Variants in RASGRP4 observed in about 807,000 individuals in gnomAD.
The protein encoded by RASGRP4 is RAS guanyl releasing protein 4, also known as RAS guanyl-releasing protein 4.
Under a neutral mutation model 84.4 loss-of-function variants are expected in RASGRP4, and 52 were observed. The observed-to-expected ratio is 0.62, with a 90% CI of 0.49 to 0.78. The LOEUF (loss-of-function observed/expected upper bound fraction) is 0.78, where lower values mean the gene tolerates loss of function less well. RASGRP4 is among the 30% of genes least tolerant of loss of function. The pLI is 0.00. For synonymous variants in RASGRP4, 356 were observed against 359.1 expected, an observed-to-expected ratio of 0.99 and a Z score of 0.10; for missense variants, 760 against 886.9, an observed-to-expected ratio of 0.86 and a Z score of 1.82.
Position 38,412,083 on chromosome 19 carries a change from TTTGTTGTTG to T in RASGRP4, c.1680+580_1680+588del, listed in dbSNP as rs56791891. ...CTACCCGGTTTGGAGATTATCCAGG[TTTGTTGTTG>T]TTGTTGTTGTTGTTGTTGTTGTTGT... On this transcript the variant is annotated intron_variant, in intron 13 of 16. Coordinates refer to ENST00000615439, the MANE Select transcript of RASGRP4 (RefSeq NM_170604.3). This position sits in a 1 kb window ranked among gnomAD's most constrained non-coding sequence, Gnocchi z 4.6. Among the ~76,000 whole-genome samples the T allele has an allele frequency of 0.04, 5,210 of 128,716 alleles. 131 individuals carry two copies. The highest frequency in any genetic ancestry group is 0.098 in the East Asian group (432 of 4,408). 84.4% of individuals were successfully genotyped at this position (128,716 alleles called of 152,430 possible).
In RASGRP4 at chr19:38,409,201, C is replaced by G. The variant is rs114144035; in HGVS notation, c.*839G>C. 6.8e-3 allele frequency: 1,631 copies of G among 238,392 alleles called. 35 individuals carry two copies. The highest frequency in any genetic ancestry group is 0.035 in the African/African-American group (1,516 of 43,398). The allele number at this position is 238,392 out of a possible 1,614,324, so 14.8% of individuals were successfully genotyped here. A position where few individuals can be genotyped will look rare whatever the true frequency, so the allele number is the denominator to read the frequency against. On this transcript the variant is annotated 3_prime_UTR_variant, in exon 17 of 17. Transcript: ENST00000615439. The stretch of plus-strand genomic sequence containing the variant: ...CCCCTGCTGCTCGACCCTCAAAGTT[C>G]TTTGCCCTATAGCACATCTATCCTG...
Position 38,420,896 on chromosome 19 carries a change from G to C in RASGRP4, c.377+12C>G. 6.2e-7 allele frequency: 1 copy of C among 1,612,610 alleles called. No individual in the cohort carries two copies. ...GTGGGTCCTGAGAGTGGGGATCTCG[G>C]CCCAGCCCTACCTGACCAGGTGACA... On this transcript the variant is annotated intron_variant, in intron 4 of 16. Coordinates refer to ENST00000615439, the MANE Select transcript of RASGRP4 (RefSeq NM_170604.3).
intron 9 of RASGRP4, among the ~76,000 whole-genome samples, chr19:38,414,272 TC>T (rs1348314080): frequency 6.6e-6 from 1 of 151,768 alleles, no homozygotes; most frequent in African/African-American, 2.4e-5. Flanking sequence ...TGGCTGTCTC[TC>T]CTCAACCACC....
chr19:38,416,588 C>T (rs991521469), intron 8 of RASGRP4, among the ~76,000 whole-genome samples: 2 of 151,448 alleles, frequency 1.3e-5, no homozygotes, highest in African/African-American at 4.8e-5. Flanking sequence ...GCTGGGATTA[C>T]AAGTGTGAGC....
chr19:38,423,836 C>T (rs1227620030), intron 1 of RASGRP4, among the ~76,000 whole-genome samples: 1 of 151,772 alleles, frequency 6.6e-6, no homozygotes, highest in African/African-American at 2.4e-5. Context: ...GTCTTAGTCT[C>T]AAAATAATAA....
intron 1 of RASGRP4, among the ~76,000 whole-genome samples, chr19:38,425,684 G>C (rs1403547344): frequency 1.3e-5 from 2 of 152,142 alleles, no homozygotes; most frequent in Non-Finnish European, 2.9e-5. Context: ...AGGCAGGGGA[G>C]TCGCCTTGCC....
Position 38,417,119 on chromosome 19 carries a change from C to A in RASGRP4, c.887G>T (p.Gly296Val). The A allele has an allele frequency of 6.4e-7, 1 of 1,564,542 alleles. No individual in the cohort carries two copies. Among genetic ancestry groups the A allele is most frequent in the Non-Finnish European group, 8.7e-7 (1 of 1,154,322 alleles). The stretch of plus-strand genomic sequence containing the variant: ...TCTGGAGATGGCACTGTGACACAGG[C>A]CCCCTGTGACTGCCATCAGCGTGTT... ...NFNTLMAVTG[G>V]LCHSAISRLK... The change falls in exon 8 of 17, where the codon GGC becomes GTC. Residue 296 changes from glycine (G) to valine (V), a missense_variant. Coordinates refer to ENST00000615439, the MANE Select transcript of RASGRP4 (RefSeq NM_170604.3). This position sits in a 1 kb window ranked among gnomAD's most constrained non-coding sequence, Gnocchi z 5.1.
At position 38,413,204 on chromosome 19, in the gene RASGRP4, G is replaced by A; in HGVS notation, c.1405C>T (p.Gln469Ter). 10 of 1,613,284 alleles carry A rather than the reference G, an allele frequency of 6.2e-6. No individual in the cohort carries two copies. The highest frequency in any genetic ancestry group is 8.5e-6 in the Non-Finnish European group (10 of 1,179,688). Residue 469 changes from glutamine (Q) to a stop codon, truncating the protein, a stop_gained, in exon 11 of 17, where the codon CAG becomes TAG. Transcript: ENST00000615439. LOFTEE classifies it high-confidence loss of function. The surrounding 1 kb of genome is among the most constrained non-coding windows in gnomAD (Gnocchi z 4.7). ...DRVTLGRHVEQLVESVFKNYD... is the reference protein window; with the variant it reads ...DRVTLGRHVE The stretch of plus-strand genomic sequence containing the variant: ...CCTCCCCTCCTTACCTCCACCAGCT[G>A]CTCCACATGCCGACCCAGTGTGACC...
chr19:38,426,026 G>A lies in RASGRP4; in HGVS notation c.23+43C>T, dbSNP rs574139938. 3.0e-6 allele frequency: 4 copies of A among 1,351,834 alleles called. No individual in the cohort carries two copies. In the South Asian group the frequency reaches 8.1e-5, roughly 27 times the overall value. The allele number at this position is 1,351,834 out of a possible 1,614,324, so 83.7% of individuals were successfully genotyped here. A position where few individuals can be genotyped will look rare whatever the true frequency, so the allele number is the denominator to read the frequency against. ...TCCCCAGCCCTCCCATGCAGAGGGA[G>A]GCCTCAGGGTGCTGCCGGGCTCCCT... On this transcript the variant is annotated intron_variant, in intron 1 of 16. Coordinates refer to ENST00000615439, the MANE Select transcript of RASGRP4 (RefSeq NM_170604.3).
At chr19:38,421,261 TC>T in intron 2 of RASGRP4, 61 bp from the exon 3 acceptor site, 1 of 1,242,178 alleles carries the variant, frequency 8.1e-7, no homozygotes, top group Non-Finnish European at 1.2e-6. Flanking sequence ...AGAGCGTAGC[TC>T]CAGATCCTGC....
At chr19:38,411,952 T>G (rs1318867492) in intron 13 of RASGRP4, among the ~76,000 whole-genome samples, 1 of 152,206 alleles carries the variant, frequency 6.6e-6, no homozygotes, top group South Asian at 2.1e-4. Context: ...GGTTGAGAGA[T>G]TGATCCACTA....
intron 1 of RASGRP4, among the ~76,000 whole-genome samples, chr19:38,423,946 G>A (rs865922364): frequency 6.6e-6 from 1 of 152,128 alleles, no homozygotes; most frequent in East Asian, 1.9e-4. Flanking sequence ...GGAGAGACAA[G>A]GATGGTGGGA....
chr19:38,414,384 TGGC>T (rs1971406394), intron 9 of RASGRP4, among the ~76,000 whole-genome samples: 1 of 151,648 alleles, frequency 6.6e-6, no homozygotes, highest in African/African-American at 2.4e-5. Context: ...AATGGCGCAA[TGGC>T]GCAATCTCAG....
At position 38,414,993 on chromosome 19, in the gene RASGRP4, T is replaced by G; in HGVS notation, c.1085A>C (p.His362Pro). The stretch of plus-strand genomic sequence containing the variant: ...AGGCAACCTGTCGGGCTGTGCCTCA[T>G]GCAGGGACACCAGGTCCTTGAGGTG... Reference protein sequence around the residue: ...GVHLKDLVSLHEAQPDRLPDG... With the variant: ...GVHLKDLVSLPEAQPDRLPDG... Residue 362 changes from histidine to proline, a missense_variant, in exon 9 of 17, where the codon CAT becomes CCT. By Grantham distance (77) the His-to-Pro change is moderately conservative. Coordinates refer to ENST00000615439, the MANE Select transcript of RASGRP4 (RefSeq NM_170604.3). 1 of 1,613,250 alleles carries G rather than the reference T, an allele frequency of 6.2e-7. No individual in the cohort carries two copies. The highest frequency in any genetic ancestry group is 1.1e-5 in the South Asian group (1 of 90,920).
At chr19:38,421,447 C>T (rs532006768) in intron 2 of RASGRP4, among the ~76,000 whole-genome samples, 1 of 152,316 alleles carries the variant, frequency 6.6e-6, no homozygotes, top group South Asian at 2.1e-4. Flanking sequence ...CACAGTGGCT[C>T]ACACCTGTAA....
intron 2 of RASGRP4, among the ~76,000 whole-genome samples, chr19:38,421,434 G>A (rs1041333118): frequency 5.3e-5 from 8 of 152,144 alleles, no homozygotes; most frequent in South Asian, 2.1e-4. Context: ...CAGACTGGCC[G>A]GGCACAGTGG....
Position 38,409,115 on chromosome 19 carries a change from T to G in RASGRP4, c.*925A>C. 1 of 351,148 alleles carries G rather than the reference T, an allele frequency of 2.8e-6. No individual in the cohort carries two copies. 21.8% of individuals were successfully genotyped at this position (351,148 alleles called of 1,614,324 possible). A position where few individuals can be genotyped will look rare whatever the true frequency, so the allele number is the denominator to read the frequency against. On this transcript the variant is annotated 3_prime_UTR_variant, in exon 17 of 17. Transcript: ENST00000615439. ...AGGACCTCTCTCTGTGGGGGCCAAG[T>G]CAGGGGTGTTGGGGTTTGTGAAGGG...
rs763364452 is a variant in RASGRP4, at chr19:38,409,098, T to C, written c.*942A>G. The C allele has an allele frequency of 9.6e-5, 37 of 386,632 alleles. No homozygotes were observed. The highest frequency in any genetic ancestry group is 1.4e-4 in the Non-Finnish European group (32 of 227,464). 24.0% of individuals were successfully genotyped at this position (386,632 alleles called of 1,614,324 possible). ...TAATTTATGACAGCTGTAGGACCTCTCTCTGTGGGGGCCAAGTCAGGGGTG... is the reference window on the plus strand; with the variant it reads ...TAATTTATGACAGCTGTAGGACCTCCCTCTGTGGGGGCCAAGTCAGGGGTG... On this transcript the variant is annotated 3_prime_UTR_variant, in exon 17 of 17. Transcript: ENST00000615439.
intron 1 of RASGRP4, among the ~76,000 whole-genome samples, chr19:38,424,615 A>AT (rs1212514022): frequency 9.1e-6 from 1 of 110,002 alleles, no homozygotes. Flanking sequence ...GTGTGTGTCA[A>AT]TGGGGGGGGG....
Sources: allele counts gnomAD v4.1 joint callset (sites outside exome capture counted in the v4.1 genomes callset), GRCh38; gene constraint gnomAD v4.1.1; non-coding constraint Gnocchi (gnomAD v3.1); transcripts MANE v1.5; gene names NCBI Gene and HGNC (gene_info 2026-07-23, HGNC 2026-07-21).